KLC3: variants seen among roughly 807,000 people sequenced by gnomAD.
The protein encoded by KLC3 is kinesin light chain 3.
A neutral mutation model predicts 62.9 loss-of-function variants in KLC3; 72 were observed. That is an observed-to-expected ratio of 1.15 (90% CI 0.95 to 1.39). The LOEUF (loss-of-function observed/expected upper bound fraction) is 1.39. KLC3 is among the 40% of genes most tolerant of loss of function. The pLI, the probability that KLC3 is intolerant of heterozygous loss-of-function variation, is 0.00. For synonymous variants in KLC3, 377 were observed against 300.5 expected (o/e 1.25, Z -2.63); for missense variants, 848 against 691.6 (o/e 1.23, Z -2.54).
At chr19:45,342,229 G>A (rs916535639) in intron 1 of KLC3, among the ~76,000 whole-genome samples, 3 of 152,086 alleles carry the variant, frequency 2.0e-5, no homozygotes, top group Middle Eastern at 3.2e-3. Flanking sequence ...GTGTGGTTGT[G>A]AGTTCAACCA....
chr19:45,350,271 AAAAG>A lies in KLC3; in HGVS notation c.1144-69_1144-66del, dbSNP rs1368478103. 35 of 1,242,080 alleles carry A rather than the reference AAAAG, an allele frequency of 2.8e-5. No homozygotes were observed. In the Admixed American group the frequency reaches 6.0e-4, roughly 21 times the overall value. 76.9% of individuals were successfully genotyped at this position (1,242,080 alleles called of 1,614,324 possible). A position where few individuals can be genotyped will look rare whatever the true frequency, so the allele number is the denominator to read the frequency against. ...ACCCCTGTCTCTACAAAAAAAAAAA[AAAAG>A]GCGGGACTGGATGCAGTGTTGGGAA... On this transcript the variant is annotated intron_variant, in intron 8 of 12. Transcript: ENST00000391946.
chr19:45,343,066 T>C (rs2123174740), intron 1 of KLC3, among the ~76,000 whole-genome samples: 1 of 152,016 alleles, frequency 6.6e-6, no homozygotes, highest in Non-Finnish European at 1.5e-5. Context: ...GGCGTGTAGG[T>C]GTGGGAGTCC....
Position 45,348,578 on chromosome 19 carries a change from C to G in KLC3, c.780-68C>G, listed in dbSNP as rs895818528. ...TTCCCTGGGCCTGTCAGGATTGGCCCAGCCCCTGTGGCTGCAGCTGCCCCA... is the reference window on the plus strand; with the variant it reads ...TTCCCTGGGCCTGTCAGGATTGGCCGAGCCCCTGTGGCTGCAGCTGCCCCA... On this transcript the variant is annotated intron_variant, in intron 5 of 12. Transcript: ENST00000391946. 1.0e-5 allele frequency: 15 copies of G among 1,476,690 alleles called. No homozygotes were observed. The Admixed American group carries it at 2.0e-4, about 19-fold the overall frequency. 91.5% of individuals were successfully genotyped at this position (1,476,690 alleles called of 1,614,324 possible).
In KLC3 at chr19:45,348,095, G is replaced by C; in HGVS notation, c.714G>C (p.Glu238Asp). 2 of 1,602,408 alleles carry C rather than the reference G, an allele frequency of 1.2e-6. No individual in the cohort carries two copies. The highest frequency in any genetic ancestry group is 1.1e-5 in the South Asian group (1 of 89,252). Residue 238 changes from glutamate (E) to aspartate (D), a missense_variant, in exon 5 of 13, where the codon GAG (glutamate) becomes GAC (aspartate). Glu to Asp is a conservative substitution (Grantham distance 45). Transcript: ENST00000391946. Reference protein sequence around the residue: ...PLCRQALEDLERSSGHCHPDV... With the variant: ...PLCRQALEDLDRSSGHCHPDV... The stretch of plus-strand genomic sequence containing the variant: ...GCCGCCAGGCCTTGGAGGACCTGGA[G>C]CGCAGCTCGGGCCACTGCCACCCTG...
At chr19:45,347,139 TCAAGACCAG>T (rs1230026896) in intron 3 of KLC3, 2 of 416,700 alleles carry the variant, frequency 4.8e-6, no homozygotes, top group African/African-American at 4.1e-5. Flanking sequence ...GGTCCGGATT[TCAAGACCAG>T]CATGACCAAC....
chr19:45,341,578 T>TGTGTGTGTGCGCGCGCGCGC, intron 1 of KLC3, among the ~76,000 whole-genome samples: 1,424 of 139,622 alleles, frequency 0.01, 14 homozygotes, highest in Non-Finnish European at 0.015. Flanking sequence ...TGTGTGTGTG[T>TGTGTGTGTGCGCGCGCGCGC]GCGCGCGCGC....
At chr19:45,349,890 G>T in intron 8 of KLC3, 1 of 468,424 alleles carries the variant, frequency 2.1e-6, no homozygotes, top group Non-Finnish European at 3.8e-6. Context: ...CTCTTAGCCC[G>T]GTCCCCACAT....
chr19:45,347,387 G>T, intron 3 of KLC3, 60 bp from the exon 4 acceptor site: 1 of 1,285,512 alleles, frequency 7.8e-7, no homozygotes, highest in Non-Finnish European at 1.1e-6. Flanking sequence ...ATAGAGCCAG[G>T]GCCCCGGTCT....
At chr19:45,341,788 T>TA (rs1971402413) in intron 1 of KLC3, among the ~76,000 whole-genome samples, 1 of 138,612 alleles carries the variant, frequency 7.2e-6, no homozygotes, top group African/African-American at 3.4e-5. Flanking sequence ...TGTGTGTGTG[T>TA]GTGTGTGTGT....
chr19:45,346,933 GA>G, intron 3 of KLC3, 159 bp downstream of exon 3: 1 of 399,344 alleles, frequency 2.5e-6, no homozygotes, highest in Non-Finnish European at 4.0e-6. Flanking sequence ...ACCCTCCACA[GA>G]GCCCCCAGAC....
chr19:45,347,491 C>T lies in KLC3; in HGVS notation c.534C>T (p.Phe178=), dbSNP rs768462385. 4.3e-6 allele frequency: 7 copies of T among 1,612,590 alleles called. No individual in the cohort carries two copies. Among genetic ancestry groups the T allele is most frequent in the Non-Finnish European group, 5.9e-6 (7 of 1,179,318 alleles). ...PPRRDSLASL[F]PSEEEERKGP... The stretch of plus-strand genomic sequence containing the variant: ...GCCGAGACAGCCTGGCCTCCCTGTT[C>T]CCCAGCGAGGAGGAGGAGAGGAAAG... Residue 178 remains phenylalanine, a synonymous_variant, in exon 4 of 13, where the codon TTC becomes TTT. Coordinates refer to ENST00000391946, the MANE Select transcript of KLC3 (RefSeq NM_177417.3).
chr19:45,350,610 G>T, intron 10 of KLC3, 31 bp from the exon 11 acceptor site: 1 of 1,613,434 alleles, frequency 6.2e-7, no homozygotes, highest in Middle Eastern at 1.7e-4. Context: ...TGGGCCTGGG[G>T]GACTGAGCAG....
chr19:45,348,894 C>T lies in KLC3; in HGVS notation c.942C>T (p.Cys314=). 6.3e-7 allele frequency: 1 copy of T among 1,586,352 alleles called. No homozygotes were observed. The highest frequency in any genetic ancestry group is 1.2e-5 in the South Asian group (1 of 86,758). ...GTTACCGGGAGGCAGAGCCCCTGTG[C>T]CAGCGCGCTTTGGAGATCCGAGAGA... ...RGRYREAEPL[C]QRALEIREKV... Residue 314 remains cysteine, a synonymous_variant, in exon 7 of 13, where the codon TGC becomes TGT. Transcript: ENST00000391946.
chr19:45,348,229 T>A (rs1971556425), intron 5 of KLC3, 69 bp downstream of exon 5: 2 of 1,378,852 alleles, frequency 1.5e-6, no homozygotes, highest in Admixed American at 4.2e-5. Context: ...AGTGGAAGGA[T>A]CCTGGTGCCC....
chr19:45,344,621 G>A (rs1039989027), intron 1 of KLC3, among the ~76,000 whole-genome samples: 2 of 152,080 alleles, frequency 1.3e-5, no homozygotes, highest in South Asian at 2.1e-4. Context: ...GGGAGGGTGC[G>A]GGTGTGTGAG....
At chr19:45,350,785 A>G (rs746423195) in intron 11 of KLC3, 38 bp downstream of exon 11, 1 of 1,565,496 alleles carries the variant, frequency 6.4e-7, no homozygotes, top group South Asian at 1.2e-5. Flanking sequence ...CCCTGACATC[A>G]GCAGAATCCA....
In KLC3 at chr19:45,346,470, G is replaced by A. The variant is rs536000566; in HGVS notation, c.259-74G>A. On this transcript the variant is annotated intron_variant, in intron 2 of 12. Coordinates refer to ENST00000391946, the MANE Select transcript of KLC3 (RefSeq NM_177417.3). ...GTAGTGGGGTGCTACGGCCTGACTC[G>A]AGGCCTGGGCTGGGTCAGGGGCCGT... 1.4e-5 allele frequency: 18 copies of A among 1,294,786 alleles called. No individual in the cohort carries two copies. The East Asian group carries it at 3.3e-4, about 24-fold the overall frequency. 80.2% of individuals were successfully genotyped at this position (1,294,786 alleles called of 1,614,324 possible).
rs1971672238 is a variant in KLC3, at chr19:45,350,355, G to GAAAC, written c.1160_1163dup (p.Asn389ThrfsTer34). 1 of 1,613,202 alleles carries GAAAC rather than the reference G, an allele frequency of 6.2e-7. No homozygotes were observed. The highest frequency in any genetic ancestry group is 8.5e-7 in the Non-Finnish European group (1 of 1,179,914). ...CTTCTCCGCAGGCCTCAGCCTACCT[G>GAAAC]AAACAGAACAAGTATCAACAAGCGG... On this transcript the variant is annotated frameshift_variant, in exon 9 of 13. Transcript: ENST00000391946. LOFTEE classifies it high-confidence loss of function.
intron 10 of KLC3, 21 bp from the exon 11 acceptor site, chr19:45,350,620 G>A (rs765453943): frequency 1.2e-6 from 2 of 1,613,166 alleles, no homozygotes; most frequent in Non-Finnish European, 8.5e-7. Flanking sequence ...GGACTGAGCA[G>A]CATCCCCGGC....
Sources: gnomAD v4.1 joint callset for allele counts (sites outside exome capture counted in the v4.1 genomes callset) on GRCh38, gnomAD v4.1.1 for gene constraint, MANE v1.5 for transcripts, NCBI Gene and HGNC (gene_info 2026-07-23, HGNC 2026-07-21) for gene names.